The following KLF8 variants were observed in gnomAD, a reference collection of about 807,000 sequenced individuals.
KLF8 encodes Krueppel-like factor 8.
KLF8 carries 10 observed loss-of-function variants against 18.2 expected under a neutral mutation model. The observed-to-expected ratio is 0.55, with a 90% confidence interval of 0.34 to 0.93. The LOEUF (loss-of-function observed/expected upper bound fraction) is 0.93. Among genes scored for constraint, KLF8 ranks in the 40% least tolerant of loss-of-function variants. The pLI is 0.02. For missense variants in KLF8, 264 were observed against 277.9 expected (o/e 0.95, Z 0.36); for synonymous variants, 109 against 97.3 (o/e 1.12, Z -0.71).
chrX:56,109,565 G>T, the KLF8 span, among the ~76,000 whole-genome samples: 9 of 110,644 alleles, frequency 8.1e-5, no homozygotes, highest in Non-Finnish European at 1.7e-4. Context: ...CTAAATGTTC[G>T]ATTATTATTG....
the KLF8 span, among the ~76,000 whole-genome samples, chrX:55,941,337 A>G: frequency 1.8e-5 from 2 of 112,323 alleles, no homozygotes; most frequent in Non-Finnish European, 3.8e-5. Flanking sequence ...CTGCAACTGG[A>G]TCCCTTCCTT....
the KLF8 span, among the ~76,000 whole-genome samples, chrX:56,064,045 G>A: frequency 3.7e-5 from 4 of 106,762 alleles, no homozygotes; most frequent in Non-Finnish European, 3.8e-5. Context: ...TATAATACAT[G>A]TATGTGTATA....
At chrX:55,940,976 T>C in the KLF8 span, among the ~76,000 whole-genome samples, 1 of 111,463 alleles carries the variant, frequency 9.0e-6, no homozygotes, top group African/African-American at 3.3e-5. Flanking sequence ...TTCAATGCCA[T>C]CCCCATCAAT....
At chrX:56,000,092 A>G in the KLF8 span, among the ~76,000 whole-genome samples, 1 of 111,838 alleles carries the variant, frequency 8.9e-6, no homozygotes, top group South Asian at 3.8e-4. Context: ...TGCATCTACT[A>G]GGATGATCAT....
chrX:56,213,641 A>G, the KLF8 span, among the ~76,000 whole-genome samples: 1 of 110,817 alleles, frequency 9.0e-6, no homozygotes, highest in African/African-American at 3.3e-5. Flanking sequence ...CCTATTTCAT[A>G]TGGGTCATAG....
chrX:56,174,024 A>C, the KLF8 span, among the ~76,000 whole-genome samples: 1 of 111,928 alleles, frequency 8.9e-6, no homozygotes, highest in African/African-American at 3.2e-5. Context: ...CTAGATATAC[A>C]ATCATGTCAT....
the KLF8 span, among the ~76,000 whole-genome samples, chrX:56,168,635 C>T: frequency 1.9e-5 from 2 of 107,043 alleles, no homozygotes; most frequent in Non-Finnish European, 3.9e-5. Context: ...TCTCCTAATG[C>T]TATCCCTCCC....
At chrX:56,200,513 A>G in the KLF8 span, among the ~76,000 whole-genome samples, 2 of 110,883 alleles carry the variant, frequency 1.8e-5, no homozygotes, top group African/African-American at 6.5e-5. Flanking sequence ...ATCCATAAAA[A>G]TCCTAGAAGG....
chrX:55,992,483 C>A, the KLF8 span, among the ~76,000 whole-genome samples: 1 of 111,924 alleles, frequency 8.9e-6, no homozygotes, highest in South Asian at 3.7e-4. Context: ...CAGTACCATG[C>A]TGTTTTGGTT....
the KLF8 span, among the ~76,000 whole-genome samples, chrX:56,159,331 T>C: frequency 8.9e-6 from 1 of 112,037 alleles, no homozygotes; most frequent in Non-Finnish European, 1.9e-5. Flanking sequence ...TCATCAGGGA[T>C]ATTGGCCTAA....
At chrX:55,946,599 C>T in the KLF8 span, among the ~76,000 whole-genome samples, 3 of 111,694 alleles carry the variant, frequency 2.7e-5, no homozygotes, top group African/African-American at 6.5e-5. Context: ...GTTTGAAACA[C>T]CAAAAGCAAT....
intron 2 of KLF8, among the ~76,000 whole-genome samples, chrX:56,257,513 C>T (rs2066814633): frequency 9.0e-6 from 1 of 111,351 alleles, no homozygotes. Context: ...GTTCTCCTCT[C>T]TCCCTCCTTC....
chrX:55,920,151 C>T, the KLF8 span, among the ~76,000 whole-genome samples: 1 of 111,542 alleles, frequency 9.0e-6, no homozygotes, highest in East Asian at 2.8e-4. Context: ...GGTGGCTAGA[C>T]CTAGAAGAGC....
chrX:56,166,047 G>A, the KLF8 span, among the ~76,000 whole-genome samples: 1 of 110,030 alleles, frequency 9.1e-6, no homozygotes, highest in Non-Finnish European at 1.9e-5. Flanking sequence ...ACCACAATTT[G>A]CCTCCCAGTT....
chrX:55,933,828 C>A, the KLF8 span, among the ~76,000 whole-genome samples: 1 of 111,794 alleles, frequency 8.9e-6, no homozygotes, highest in African/African-American at 3.3e-5. Context: ...CCAAGTATAA[C>A]CTGTTTTTAA....
chrX:56,270,372 A>AT lies in KLF8; in HGVS notation c.898+51_898+52insT, dbSNP rs1569188815. The AT allele has an allele frequency of 3.8e-6, 4 of 1,053,171 alleles. No individual in the cohort carries two copies. The African/African-American group carries it at 9.0e-5, about 24-fold the overall frequency. The allele number at this position is 1,053,171 out of a possible 1,213,427, so 86.8% of individuals were successfully genotyped here. On this transcript the variant is annotated intron_variant, in intron 5 of 5. Transcript: ENST00000468660. The stretch of plus-strand genomic sequence containing the variant: ...AACACACACACACACACACACACAC[A>AT]CACACACACGAGAGAGAGAGAGAGA...
Position 56,265,211 on chromosome X carries a change from CT to C in KLF8, c.114del (p.Glu39ArgfsTer2), listed in dbSNP as rs1167389821. 1.2e-5 allele frequency: 14 copies of C among 1,204,890 alleles called. No individual in the cohort carries two copies. Among genetic ancestry groups the C allele is most frequent in the Non-Finnish European group, 1.6e-5 (14 of 891,931 alleles). ...GCTTCTGTTCGGAACAGAGATCCCC[CT>C]GAGATAGAATACAGAAGTAATATGA... is the stretch of plus-strand genomic sequence containing the variant. ...VTASVRNRDP[P>X]EIEYRSNMTS... On this transcript the variant is annotated frameshift_variant, in exon 3 of 6. Transcript: ENST00000468660. LOFTEE classifies it high-confidence loss of function.
At chrX:56,216,185 G>A in the KLF8 span, among the ~76,000 whole-genome samples, 5 of 109,929 alleles carry the variant, frequency 4.5e-5, no homozygotes, top group South Asian at 2.0e-3. Context: ...AGTGTAAGTT[G>A]TAATCCTTTA....
chrX:56,163,692 G>T, the KLF8 span, among the ~76,000 whole-genome samples: 1 of 111,710 alleles, frequency 9.0e-6, no homozygotes, highest in Non-Finnish European at 1.9e-5. Context: ...GTCCTCAGTG[G>T]TATGGTCTAG....
Sources: allele counts gnomAD v4.1 joint callset (sites outside exome capture counted in the v4.1 genomes callset), GRCh38; gene constraint gnomAD v4.1.1; transcripts MANE v1.5; gene names NCBI Gene and HGNC (gene_info 2026-07-23, HGNC 2026-07-21).